SUPT3H: variants seen among roughly 807,000 people sequenced by gnomAD.
SUPT3H encodes the protein transcription initiation protein SPT3 homolog.
In SUPT3H, 44 loss-of-function variants were observed where a neutral mutation model predicts 44.3. That is an observed-to-expected ratio of 0.99 (90% CI 0.78 to 1.28). SUPT3H has a LOEUF of 1.28. SUPT3H is among the 50% of genes most tolerant of loss of function. SUPT3H has a pLI of 0.00. For synonymous variants in SUPT3H, 124 were observed against 125.6 expected, an observed-to-expected ratio of 0.99 and a Z score of 0.09; for missense variants, 380 against 387.1, an observed-to-expected ratio of 0.98 and a Z score of 0.15.
At chr6:45,167,687 A>G (rs915506745) in intron 2 of SUPT3H, among the ~76,000 whole-genome samples, 1 of 151,902 alleles carries the variant, frequency 6.6e-6, no homozygotes, top group Non-Finnish European at 1.5e-5. Context: ...TCTAGCTGGA[A>G]TAAGGAAAAT....
At chr6:45,236,852 T>C (rs558384336) in intron 2 of SUPT3H, among the ~76,000 whole-genome samples, 10 of 152,176 alleles carry the variant, frequency 6.6e-5, no homozygotes, top group Non-Finnish European at 1.5e-4. Context: ...TCTCCTTTTG[T>C]AATGGGACTG....
chr6:45,175,146 T>C (rs1811511782), intron 2 of SUPT3H, among the ~76,000 whole-genome samples: 1 of 151,880 alleles, frequency 6.6e-6, no homozygotes. Flanking sequence ...CTAATAAAAA[T>C]TATTTGTTTG....
chr6:45,272,728 T>G (rs1003162686), intron 2 of SUPT3H, among the ~76,000 whole-genome samples: 3 of 152,122 alleles, frequency 2.0e-5, no homozygotes, highest in African/African-American at 7.2e-5. Context: ...TGGAGAAGGA[T>G]TCTAGCTTTA....
intron 3 of SUPT3H, among the ~76,000 whole-genome samples, chr6:45,039,119 TAAAC>T (rs1251965561): frequency 1.3e-5 from 2 of 151,992 alleles, no homozygotes; most frequent in East Asian, 1.9e-4. Context: ...AGAAAAAAAA[TAAAC>T]AAATCTGCTG....
chr6:45,331,428 T>C (rs913496464), intron 2 of SUPT3H, among the ~76,000 whole-genome samples: 1 of 151,958 alleles, frequency 6.6e-6, no homozygotes, highest in Admixed American at 6.6e-5. Flanking sequence ...AATATATTTA[T>C]AGTTTCAAGA....
At chr6:45,353,115 T>G (rs1404774875) in intron 2 of SUPT3H, among the ~76,000 whole-genome samples, 1 of 152,138 alleles carries the variant, frequency 6.6e-6, no homozygotes, top group Admixed American at 6.5e-5. Flanking sequence ...TCTCCAGTGT[T>G]GTTTCAAATA....
intron 3 of SUPT3H, among the ~76,000 whole-genome samples, chr6:45,091,713 A>C (rs1797140852): frequency 6.6e-6 from 1 of 152,114 alleles, no homozygotes; most frequent in Admixed American, 6.5e-5. Flanking sequence ...TACAGATAGA[A>C]ACACAGAAAG....
At chr6:45,245,531 C>T (rs914384297) in intron 2 of SUPT3H, among the ~76,000 whole-genome samples, 1 of 152,114 alleles carries the variant, frequency 6.6e-6, no homozygotes, top group Non-Finnish European at 1.5e-5. Flanking sequence ...AGTGGAATCG[C>T]ATAACATTTG....
rs542815640 is a variant in SUPT3H at position 45,083,437 on chromosome 6, G to A, written c.186+22485C>T. On this transcript the variant is annotated intron_variant, in intron 3 of 10. Coordinates refer to ENST00000371459, the MANE Select transcript of SUPT3H (RefSeq NM_003599.4). The stretch of plus-strand genomic sequence containing the variant: ...GAACTCCTGACCTCATAATCCACCC[G>A]CCTCAGCCTCCCAAACTGCTGGGAT... 5.3e-5 allele frequency among the ~76,000 whole-genome samples: 8 copies of A among 151,726 alleles called. No homozygotes were observed. In the East Asian group the frequency reaches 1.2e-3, roughly 22 times the overall value.
chr6:45,226,350 T>C (rs968345855), intron 2 of SUPT3H, among the ~76,000 whole-genome samples: 1 of 152,176 alleles, frequency 6.6e-6, no homozygotes, highest in African/African-American at 2.4e-5. Context: ...TGTGTGTGTG[T>C]GTATAACGTT....
At chr6:45,151,826 T>C (rs1275266156) in intron 2 of SUPT3H, among the ~76,000 whole-genome samples, 24 of 152,164 alleles carry the variant, frequency 1.6e-4, no homozygotes, top group South Asian at 2.1e-4. Flanking sequence ...ATTAAAACAG[T>C]TCAGTCTTTC....
chr6:45,258,261 T>C (rs770194784), intron 2 of SUPT3H, among the ~76,000 whole-genome samples: 5 of 152,306 alleles, frequency 3.3e-5, no homozygotes, highest in African/African-American at 1.2e-4. Context: ...TAAATGAGCG[T>C]TGTCAGCAAA....
chr6:45,296,972 A>C (rs1352175649), intron 2 of SUPT3H, among the ~76,000 whole-genome samples: 1 of 148,126 alleles, frequency 6.8e-6, no homozygotes, highest in Non-Finnish European at 1.5e-5. Flanking sequence ...GTATAGCGTA[A>C]TCTGCTCAGG....
At chr6:44,885,020 A>G (rs1778919711) in intron 10 of SUPT3H, among the ~76,000 whole-genome samples, 1 of 152,154 alleles carries the variant, frequency 6.6e-6, no homozygotes, top group Non-Finnish European at 1.5e-5. Context: ...TTGCTAGCAC[A>G]GCAGTCTGAA....
intron 2 of SUPT3H, among the ~76,000 whole-genome samples, chr6:45,326,515 G>A (rs1406781081): frequency 6.6e-6 from 1 of 151,818 alleles, no homozygotes; most frequent in Non-Finnish European, 1.5e-5. Context: ...TGTAAAATCT[G>A]TTTACACATA....
At chr6:45,180,305 T>C (rs1385306743) in intron 2 of SUPT3H, among the ~76,000 whole-genome samples, 2 of 146,786 alleles carry the variant, frequency 1.4e-5, no homozygotes, top group South Asian at 2.2e-4. Context: ...AGGTAATTTA[T>C]AGATTCAATG....
intron 1 of SUPT3H, among the ~76,000 whole-genome samples, chr6:45,372,915 T>C (rs1215063161): frequency 6.6e-6 from 1 of 152,100 alleles, no homozygotes; most frequent in East Asian, 1.9e-4. Context: ...CCTCCAGGGT[T>C]CAAGCGATTC....
intron 4 of SUPT3H, among the ~76,000 whole-genome samples, chr6:45,018,050 G>A (rs1784563097): frequency 1.3e-5 from 2 of 151,996 alleles, no homozygotes; most frequent in African/African-American, 4.8e-5. Flanking sequence ...TCTCCTTGAA[G>A]AGGTCCTTCA....
intron 2 of SUPT3H, among the ~76,000 whole-genome samples, chr6:45,259,680 GC>G (rs1005148014): frequency 1.3e-5 from 2 of 152,076 alleles, no homozygotes; most frequent in African/African-American, 4.8e-5. Context: ...AAACTTTAGT[GC>G]ATAGGAACCA....
Sources: allele counts gnomAD v4.1 joint callset (sites outside exome capture counted in the v4.1 genomes callset), GRCh38; gene constraint gnomAD v4.1.1; transcripts MANE v1.5; gene names NCBI Gene and HGNC (gene_info 2026-07-23, HGNC 2026-07-21).